Variants in FAM149A observed in about 807,000 individuals in gnomAD.
The protein encoded by FAM149A is family with sequence similarity 149 member A.
FAM149A carries 71 observed loss-of-function variants against 78.2 expected under a neutral mutation model. The observed-to-expected ratio is 0.91, with a 90% CI of 0.75 to 1.11. The LOEUF (loss-of-function observed/expected upper bound fraction) is 1.11, where lower values mean the gene tolerates loss of function less well. FAM149A is among the 50% of genes least tolerant of loss of function. The probability of loss-of-function intolerance (pLI) is 0.00; values close to 1 mark genes in which losing one functional copy is unlikely to be tolerated. For synonymous variants in FAM149A, 446 were observed against 410.5 expected, an observed-to-expected ratio of 1.09 and a Z score of -1.04; for missense variants, 1,036 against 971.0, an observed-to-expected ratio of 1.07 and a Z score of -0.89.
chr4:186,117,837 C>T (rs1342414234), intron 1 of FAM149A: 3 of 907,058 alleles, frequency 3.3e-6, no homozygotes, highest in African/African-American at 3.6e-5. Flanking sequence ...TAGGAATGAA[C>T]ACAGTGAAAA....
chr4:186,128,999 G>A (rs547174824), intron 1 of FAM149A, among the ~76,000 whole-genome samples: 1 of 151,800 alleles, frequency 6.6e-6, no homozygotes, highest in Admixed American at 6.6e-5. Flanking sequence ...GTCCACGTAT[G>A]AGCCTGTATC....
chr4:186,160,900 A>G, intron 8 of FAM149A: 1 of 983,276 alleles, frequency 1.0e-6, no homozygotes, highest in Non-Finnish European at 1.2e-6. Flanking sequence ...ATACTCCGTG[A>G]TTGTAAATCA....
chr4:186,131,146 G>A (rs532542724), intron 1 of FAM149A, among the ~76,000 whole-genome samples: 7 of 152,074 alleles, frequency 4.6e-5, no homozygotes, highest in East Asian at 1.9e-4. Flanking sequence ...TCAAGAGTTC[G>A]AGACCAGACT....
chr4:186,108,904 G>T (rs1274266249), intron 1 of FAM149A, among the ~76,000 whole-genome samples: 1 of 149,780 alleles, frequency 6.7e-6, no homozygotes, highest in East Asian at 2.0e-4. Context: ...CTGGAGTGCA[G>T]TGGCGCGATC....
At chr4:186,110,844 G>A (rs1224322300) in intron 1 of FAM149A, among the ~76,000 whole-genome samples, 8 of 150,244 alleles carry the variant, frequency 5.3e-5, no homozygotes, top group African/African-American at 7.4e-5. Flanking sequence ...GAATAATGCC[G>A]CAATAAACCT....
chr4:186,152,539 CTTTTTT>C (rs10718602), intron 4 of FAM149A, among the ~76,000 whole-genome samples: 6,646 of 88,246 alleles, frequency 0.075, 192 homozygotes, highest in Non-Finnish European at 0.1. Context: ...TTTCTTTTTG[CTTTTTT>C]TTTTTTTTTT....
At chr4:186,134,829 A>G (rs2099322065) in intron 1 of FAM149A, among the ~76,000 whole-genome samples, 1 of 152,130 alleles carries the variant, frequency 6.6e-6, no homozygotes. Flanking sequence ...TCTTCTCTGG[A>G]ATACGAAGGC....
At chr4:186,157,961 A>G in intron 8 of FAM149A, 1 of 1,518,376 alleles carries the variant, frequency 6.6e-7, no homozygotes, top group East Asian at 2.5e-5. Context: ...TTGCGGTAGG[A>G]GCCCACGCAG....
chr4:186,125,327 A>T (rs2099317848), intron 1 of FAM149A: 1 of 985,242 alleles, frequency 1.0e-6, no homozygotes, highest in African/African-American at 1.7e-5. Flanking sequence ...TTGGATGAAC[A>T]CAGAGCCAGG....
chr4:186,160,693 CCA>C, intron 8 of FAM149A: 1 of 610,926 alleles, frequency 1.6e-6, no homozygotes, highest in South Asian at 7.3e-5. Flanking sequence ...TTCACACATA[CCA>C]CACACACTAC....
rs1735618656 is a variant in FAM149A, at chr4:186,172,760, C to T, written c.*773C>T. ...GTGCCATCAGGAGCTGGCCTTTGCCCAGACGCCACCACTGCAATGACACCT... is the reference window on the plus strand; with the variant it reads ...GTGCCATCAGGAGCTGGCCTTTGCCTAGACGCCACCACTGCAATGACACCT... On this transcript the variant is annotated 3_prime_UTR_variant, in exon 14 of 14. Transcript: ENST00000389354. 8.9e-6 allele frequency: 1 copy of T among 112,048 alleles called. No homozygotes were observed. The highest frequency in any genetic ancestry group is 8.7e-5 in the Admixed American group (1 of 11,506). The allele number at this position is 112,048 out of a possible 1,614,324, so 6.9% of individuals were successfully genotyped here. A position where few individuals can be genotyped will look rare whatever the true frequency, so the allele number is the denominator to read the frequency against.
chr4:186,143,102 CAGCT>C (rs1240677585), intron 1 of FAM149A, among the ~76,000 whole-genome samples: 1 of 149,764 alleles, frequency 6.7e-6, no homozygotes, highest in Non-Finnish European at 1.5e-5. Context: ...AAAGTAAAAG[CAGCT>C]AGCATATGTT....
At position 186,155,994 on chromosome 4, in the gene FAM149A, T is replaced by C. The variant is rs764161823; in HGVS notation, c.1230-6T>C. The C allele has an allele frequency of 5.6e-6, 9 of 1,609,118 alleles. No homozygotes were observed. The highest frequency in any genetic ancestry group is 7.6e-6 in the Non-Finnish European group (9 of 1,178,322). On this transcript the variant is annotated splice_region_variant and splice_polypyrimidine_tract_variant and intron_variant, in intron 6 of 13. Transcript: ENST00000389354. The stretch of plus-strand genomic sequence containing the variant: ...TTTAGTAATTGGAGTGGGTTTTTAT[T>C]CTTAGTGATGATGAATGTCTTGAAC...
intron 1 of FAM149A, chr4:186,109,309 CTCTT>C: frequency 1.5e-6 from 1 of 687,582 alleles, no homozygotes; most frequent in African/African-American, 2.0e-5. Flanking sequence ...CATATATTCA[CTCTT>C]TTTTTTTTTG....
At chr4:186,138,806 T>C (rs113035536) in intron 1 of FAM149A, among the ~76,000 whole-genome samples, 15,045 of 152,164 alleles carry the variant, frequency 0.099, 1,404 homozygotes, top group African/African-American at 0.24. Context: ...TCACGGATGG[T>C]GCCAGCCTTG....
chr4:186,128,797 ATGTATGTG>A (rs1171787387), intron 1 of FAM149A, among the ~76,000 whole-genome samples: 1 of 152,066 alleles, frequency 6.6e-6, no homozygotes. Context: ...GTGTACATAT[ATGTATGTG>A]TGTATGGATG....
Position 186,133,368 on chromosome 4 carries a change from C to T in FAM149A, c.567-15805C>T, listed in dbSNP as rs183517955. The T allele has an allele frequency of 5.3e-5, 10 of 187,716 alleles. No homozygotes were observed. The East Asian group carries it at 7.6e-4, about 14-fold the overall frequency. 11.6% of individuals were successfully genotyped at this position (187,716 alleles called of 1,614,324 possible). ...CCAGTAACTCCCCGTTCCTTCCTCT[C>T]CTCAGCACCTGGCAACCACCATTCT... is the stretch of plus-strand genomic sequence containing the variant. On this transcript the variant is annotated intron_variant, in intron 1 of 13. Coordinates refer to ENST00000389354, the MANE Select transcript of FAM149A (RefSeq NM_001367768.3).
intron 11 of FAM149A, 117 bp downstream of exon 11, chr4:186,165,581 T>G: frequency 1.1e-6 from 1 of 921,324 alleles, no homozygotes. Context: ...AGTAGCTGTA[T>G]TCAAATGCCT....
rs181207631 is a variant in FAM149A at position 186,109,196 on chromosome 4, G to A, written c.566+3554G>A. On this transcript the variant is annotated intron_variant, in intron 1 of 13. Coordinates refer to ENST00000389354, the MANE Select transcript of FAM149A (RefSeq NM_001367768.3). ...CAAATGTAAGAATTCCTAGCAATAC[G>A]TAAGGTGGATAGATAGATAATTGCT... is the stretch of plus-strand genomic sequence containing the variant. 4,538 of 985,174 alleles carry A rather than the reference G, an allele frequency of 4.6e-3. 19 individuals carry two copies. Among genetic ancestry groups the A allele is most frequent in the Middle Eastern group, 7.3e-3 (14 of 1,914 alleles). 61.0% of individuals were successfully genotyped at this position (985,174 alleles called of 1,614,324 possible). A position where few individuals can be genotyped will look rare whatever the true frequency, so the allele number is the denominator to read the frequency against.
Sources: allele counts gnomAD v4.1 joint callset (sites outside exome capture counted in the v4.1 genomes callset), GRCh38; gene constraint gnomAD v4.1.1; transcripts MANE v1.5; gene names NCBI Gene and HGNC (gene_info 2026-07-23, HGNC 2026-07-21).